Variants in GPRIN1 observed in about 807,000 individuals in gnomAD.
GPRIN1 encodes the protein G protein-regulated inducer of neurite outgrowth 1.
Under a neutral mutation model 2.8 loss-of-function variants are expected in GPRIN1, and 4 were observed. That is an observed-to-expected ratio of 1.45 (90% CI 0.71 to 3.32). The LOEUF is 3.32. GPRIN1 is among the 30% of genes most tolerant of loss of function. The probability of loss-of-function intolerance (pLI) is 0.01; values close to 1 mark genes in which losing one functional copy is unlikely to be tolerated. For missense variants in GPRIN1, 1,322 were observed against 1,343.4 expected, an observed-to-expected ratio of 0.98 and a Z score of 0.25; for synonymous variants, 589 against 589.9, an observed-to-expected ratio of 1.00 and a Z score of 0.02.
At chr5:176,603,112 C>G (rs1481279554) in intron 1 of GPRIN1, among the ~76,000 whole-genome samples, 10 of 152,112 alleles carry the variant, frequency 6.6e-5, no homozygotes, top group Non-Finnish European at 1.2e-4. Context: ...AAAGAGAAAC[C>G]TTTAATGACT....
chr5:176,599,061 C>T lies in GPRIN1; in HGVS notation c.774G>A (p.Glu258=), dbSNP rs774340907. 9 of 1,613,998 alleles carry T rather than the reference C, an allele frequency of 5.6e-6. No homozygotes were observed. In the East Asian group the frequency reaches 8.9e-5, roughly 16 times the overall value. Residue 258 remains glutamate (E), a synonymous_variant, in exon 2 of 2, where the codon GAG becomes GAA. Coordinates refer to ENST00000303991, the MANE Select transcript of GPRIN1 (RefSeq NM_052899.3). ...KVDPVFPRKE[E]PRYSGKEHPV... ...GATGCTCTTTTCCTGAATACCTGGG[C>T]TCCTCCTTTCTTGGGAATACAGGGT... is the stretch of plus-strand genomic sequence containing the variant.
In GPRIN1 at chr5:176,597,216, A is replaced by G. The variant is rs754653113; in HGVS notation, c.2619T>C (p.Thr873=). ...CGGCGGCTTGAGGTGTCATGGGCCC[A>G]GTGGCCACGGAGCGCGTCTCGGCGG... The part of the protein sequence containing the change: ...LGAAETRSVA[T]GPMTPQAAAP... Residue 873 remains threonine, a synonymous_variant, in exon 2 of 2, where the codon ACT becomes ACC. Transcript: ENST00000303991. The surrounding 1 kb of genome is among the most constrained non-coding windows in gnomAD (Gnocchi z 6.1). 8.6e-6 allele frequency: 11 copies of G among 1,273,718 alleles called. No homozygotes were observed. In the East Asian group the frequency reaches 3.1e-4, roughly 36 times the overall value. 78.9% of individuals were successfully genotyped at this position (1,273,718 alleles called of 1,614,324 possible).
chr5:176,601,906 C>T (rs1430423707), intron 1 of GPRIN1, among the ~76,000 whole-genome samples: 1 of 152,212 alleles, frequency 6.6e-6, no homozygotes, highest in African/African-American at 2.4e-5. Flanking sequence ...AGCTTATTCT[C>T]AACACAGCAG....
At chr5:176,609,601 A>G (rs1759277593) in intron 1 of GPRIN1, among the ~76,000 whole-genome samples, 1 of 152,068 alleles carries the variant, frequency 6.6e-6, no homozygotes, top group Non-Finnish European at 1.5e-5. Context: ...GGGAAGATGA[A>G]TCAACGCGGG....
chr5:176,608,021 G>C (rs768727618), intron 1 of GPRIN1, among the ~76,000 whole-genome samples: 12 of 138,868 alleles, frequency 8.6e-5, no homozygotes, highest in Non-Finnish European at 1.8e-4. Context: ...CAACTCCTCA[G>C]CTCAAGCAAT....
rs2113352680 is a variant in GPRIN1, at chr5:176,604,356, G to A, written c.-43-4479C>T. Among the ~76,000 whole-genome samples the A allele has an allele frequency of 1.3e-5, 2 of 152,224 alleles. 1 individual carries two copies. Among genetic ancestry groups the A allele is most frequent in the Middle Eastern group, 6.8e-3 (2 of 294 alleles). ...ACATGAGGCATGGTGGAGGAGGGGG[G>A]TTTAGCCTAAGGGCACTGGAAACCC... On this transcript the variant is annotated intron_variant, in intron 1 of 1. Transcript: ENST00000303991.
chr5:176,601,771 C>A (rs974245182), intron 1 of GPRIN1, among the ~76,000 whole-genome samples: 4 of 152,158 alleles, frequency 2.6e-5, no homozygotes, highest in Non-Finnish European at 4.4e-5. Flanking sequence ...TTGACTTTCA[C>A]ACCCCACGTC....
chr5:176,607,414 G>A (rs1759237279), intron 1 of GPRIN1, among the ~76,000 whole-genome samples: 1 of 152,170 alleles, frequency 6.6e-6, no homozygotes, highest in Non-Finnish European at 1.5e-5. Context: ...CATGATCTCG[G>A]CTCACTGCAA....
intron 1 of GPRIN1, among the ~76,000 whole-genome samples, chr5:176,604,338 G>T (rs1358871305): frequency 6.6e-6 from 1 of 152,158 alleles, no homozygotes; most frequent in African/African-American, 2.4e-5. Context: ...ATCACATGAG[G>T]CATGGTGGAG....
rs770939249 is a variant in GPRIN1 at position 176,598,833 on chromosome 5, A to G, written c.1002T>C (p.Ser334=). 5 of 1,613,430 alleles carry G rather than the reference A, an allele frequency of 3.1e-6. No homozygotes were observed. The South Asian group carries it at 5.5e-5, about 18-fold the overall frequency. The change falls in exon 2 of 2, where the codon TCT becomes TCC. Residue 334 remains serine, a synonymous_variant. Coordinates refer to ENST00000303991, the MANE Select transcript of GPRIN1 (RefSeq NM_052899.3). The stretch of plus-strand genomic sequence containing the variant: ...CCAAGGACCCAGGAGCCCCGGTCCC[A>G]GAGGATACAGGCCCATTCTTGCCTG... ...GSSGKNGPVS[S]GTGAPGSLGR... is the part of the protein sequence containing the mutation.
chr5:176,607,586 C>T (rs1759239784), intron 1 of GPRIN1, among the ~76,000 whole-genome samples: 2 of 152,192 alleles, frequency 1.3e-5, no homozygotes, highest in South Asian at 4.1e-4. Flanking sequence ...TCAAGTGATC[C>T]ACCCACCTCG....
rs1314597270 is a variant in GPRIN1, at chr5:176,602,202, C to T, written c.-43-2325G>A. 6.6e-6 allele frequency among the ~76,000 whole-genome samples: 1 copy of T among 152,184 alleles called. No homozygotes were observed. The highest frequency in any genetic ancestry group is 6.5e-5 in the Admixed American group (1 of 15,284). ...GCTTCTTCTGCATGGAGAGATTTCT[C>T]TCCAAATATCTGCATGGTCGGCTCC... On this transcript the variant is annotated intron_variant, in intron 1 of 1. Transcript: ENST00000303991. The surrounding 1 kb of genome is among the most constrained non-coding windows in gnomAD (Gnocchi z 4.4).
At position 176,597,215 on chromosome 5, in the gene GPRIN1, C is replaced by G. The variant is rs1322538264; in HGVS notation, c.2620G>C (p.Gly874Arg). Residue 874 changes from glycine to arginine, a missense_variant, in exon 2 of 2, where the codon GGG (glycine) becomes CGG (arginine). By Grantham distance (125) the Gly-to-Arg change is moderately radical (BLOSUM62 -2). Coordinates refer to ENST00000303991, the MANE Select transcript of GPRIN1 (RefSeq NM_052899.3). The surrounding 1 kb of genome is among the most constrained non-coding windows in gnomAD (Gnocchi z 6.1). ...GAAETRSVAT[G>R]PMTPQAAAPP... ...GCGGCGGCTTGAGGTGTCATGGGCCCAGTGGCCACGGAGCGCGTCTCGGCG... is the reference window on the plus strand; with the variant it reads ...GCGGCGGCTTGAGGTGTCATGGGCCGAGTGGCCACGGAGCGCGTCTCGGCG... The G allele has an allele frequency of 7.8e-7, 1 of 1,279,528 alleles. No homozygotes were observed. The highest frequency in any genetic ancestry group is 1.5e-5 in the African/African-American group (1 of 64,994). 79.3% of individuals were successfully genotyped at this position (1,279,528 alleles called of 1,614,324 possible). A position where few individuals can be genotyped will look rare whatever the true frequency, so the allele number is the denominator to read the frequency against.
chr5:176,597,826 AC>A lies in GPRIN1; in HGVS notation c.2008del (p.Val670TrpfsTer44). On this transcript the variant is annotated frameshift_variant, in exon 2 of 2. Transcript: ENST00000303991. LOFTEE classifies it low-confidence loss of function (END_TRUNC). The surrounding 1 kb of genome is among the most constrained non-coding windows in gnomAD (Gnocchi z 6.1). The part of the protein sequence containing the change: ...KKETPQASEK[V>X]DPGSCRKAEP... The stretch of plus-strand genomic sequence containing the variant: ...TGCTTTTCTGCAGGATCCAGGATCC[AC>A]CTTCTCTGAGGCCTGTGGTGTCTCC... The A allele has an allele frequency of 6.2e-7, 1 of 1,610,734 alleles. No individual in the cohort carries two copies. The highest frequency in any genetic ancestry group is 8.5e-7 in the Non-Finnish European group (1 of 1,178,486).
In GPRIN1 at chr5:176,599,734, C is replaced by T; in HGVS notation, c.101G>A (p.Ser34Asn). The change falls in exon 2 of 2, where the codon AGC becomes AAC. Residue 34 changes from serine to asparagine, a missense_variant. Coordinates refer to ENST00000303991, the MANE Select transcript of GPRIN1 (RefSeq NM_052899.3). ...PTAFFCPQDG[S>N]LGAGSSAMRD... ...CATAGCCGAGCTGCCAGCCCCCAGG[C>T]TCCCATCCTGTGGGCAGAAGAAGGC... The T allele has an allele frequency of 1.9e-6, 3 of 1,552,674 alleles. No individual in the cohort carries two copies. The highest frequency in any genetic ancestry group is 2.6e-6 in the Non-Finnish European group (3 of 1,148,212).
In GPRIN1 at chr5:176,602,246, C is replaced by A. The variant is rs1759158541; in HGVS notation, c.-43-2369G>T. On this transcript the variant is annotated intron_variant, in intron 1 of 1. Transcript: ENST00000303991. The surrounding 1 kb of genome is among the most constrained non-coding windows in gnomAD (Gnocchi z 4.4). ...CGGCTCCCCAAGGCTTTCCCTGACCCATGCAATGTAAAACAGCCTCCTCCC... is the reference window on the plus strand; with the variant it reads ...CGGCTCCCCAAGGCTTTCCCTGACCAATGCAATGTAAAACAGCCTCCTCCC... Among the ~76,000 whole-genome samples the A allele has an allele frequency of 6.6e-6, 1 of 152,178 alleles. No individual in the cohort carries two copies. Among genetic ancestry groups the A allele is most frequent in the Non-Finnish European group, 1.5e-5 (1 of 68,042 alleles).
At chr5:176,601,778 C>T (rs193184326) in intron 1 of GPRIN1, among the ~76,000 whole-genome samples, 6 of 152,266 alleles carry the variant, frequency 3.9e-5, no homozygotes, top group East Asian at 1.9e-4. Context: ...TCACACCCCA[C>T]GTCTATCAGC....
chr5:176,605,469 T>C (rs1759209903), intron 1 of GPRIN1, among the ~76,000 whole-genome samples: 3 of 152,098 alleles, frequency 2.0e-5, no homozygotes, highest in African/African-American at 7.2e-5. Flanking sequence ...CCTTGGCCTA[T>C]GGAAAAGGAC....
chr5:176,604,581 T>C (rs1245180480), intron 1 of GPRIN1, among the ~76,000 whole-genome samples: 2 of 151,964 alleles, frequency 1.3e-5, no homozygotes, highest in Non-Finnish European at 2.9e-5. Flanking sequence ...CATAGCAGGA[T>C]CTCGTGTCTA....
Sources: allele counts gnomAD v4.1 joint callset (sites outside exome capture counted in the v4.1 genomes callset), GRCh38; gene constraint gnomAD v4.1.1; non-coding constraint Gnocchi (gnomAD v3.1); transcripts MANE v1.5; gene names NCBI Gene and HGNC (gene_info 2026-07-23, HGNC 2026-07-21).